NAALADL2: variants seen among roughly 807,000 people sequenced by gnomAD.
The protein encoded by NAALADL2 is inactive N-acetylated-alpha-linked acidic dipeptidase-like protein 2.
NAALADL2 carries 76 observed loss-of-function variants against 87.2 expected under a neutral mutation model. The ratio of observed to expected loss-of-function variants is 0.87; its 90% CI spans 0.72 to 1.05. The LOEUF (loss-of-function observed/expected upper bound fraction) is 1.05. NAALADL2 is among the 50% of genes least tolerant of loss of function. The probability of loss-of-function intolerance (pLI) is 0.00; values close to 1 mark genes in which losing one functional copy is unlikely to be tolerated. For missense variants in NAALADL2, 1,089 were observed against 945.8 expected, an observed-to-expected ratio of 1.15 and a Z score of -1.99; for synonymous variants, 354 against 331.0, an observed-to-expected ratio of 1.07 and a Z score of -0.75.
At chr3:175,079,477 A>G (rs1717310693) in intron 1 of NAALADL2, 1 of 152,174 alleles carries the variant, frequency 6.6e-6, no homozygotes, top group Non-Finnish European at 1.5e-5. Context: ...GCTTTCTGCA[A>G]TAAAGTTTTA....
intron 2 of NAALADL2, among the ~76,000 whole-genome samples, chr3:175,132,777 G>A (rs1728336093): frequency 6.6e-6 from 1 of 151,118 alleles, no homozygotes; most frequent in Non-Finnish European, 1.5e-5. Context: ...CGGCTCTCCT[G>A]GCGGGGGCTG....
chr3:175,132,868 G>A (rs2108651790), intron 2 of NAALADL2, among the ~76,000 whole-genome samples: 1 of 151,938 alleles, frequency 6.6e-6, no homozygotes, highest in Admixed American at 6.5e-5. Flanking sequence ...GCCAGGCGGA[G>A]GGGCTCCTCA....
At chr3:175,658,555 T>C (rs939561440) in intron 11 of NAALADL2, among the ~76,000 whole-genome samples, 1 of 152,154 alleles carries the variant, frequency 6.6e-6, no homozygotes, top group Non-Finnish European at 1.5e-5. Context: ...GGGTAGAAAT[T>C]GAATATGATA....
intron 6 of NAALADL2, among the ~76,000 whole-genome samples, chr3:175,461,041 T>A (rs1301594089): frequency 1.3e-5 from 2 of 152,144 alleles, no homozygotes; most frequent in Admixed American, 1.3e-4. Flanking sequence ...CTGGTCCATT[T>A]TGCAGAGTGC....
chr3:175,396,049 T>C (rs890983655), intron 5 of NAALADL2, among the ~76,000 whole-genome samples: 6 of 152,144 alleles, frequency 3.9e-5, no homozygotes, highest in Non-Finnish European at 7.4e-5. Flanking sequence ...CATAGATGGG[T>C]AAATTTTATT....
chr3:174,670,053 G>T (rs901177828), intron 2 of NAALADL2, among the ~76,000 whole-genome samples: 2 of 151,976 alleles, frequency 1.3e-5, no homozygotes, highest in African/African-American at 4.8e-5. Flanking sequence ...CATTGTCAGT[G>T]TAGAAATGGA....
intron 13 of NAALADL2, among the ~76,000 whole-genome samples, chr3:175,794,742 TTTATCTATTTC>T (rs1480174338): frequency 6.6e-6 from 1 of 152,196 alleles, no homozygotes; most frequent in East Asian, 1.9e-4. Context: ...AACAGACACT[TTTATCTATTTC>T]TTGGGTTATA....
At chr3:175,556,623 G>T (rs1715315401) in intron 9 of NAALADL2, among the ~76,000 whole-genome samples, 1 of 152,016 alleles carries the variant, frequency 6.6e-6, no homozygotes, top group South Asian at 2.1e-4. Context: ...TCATTTTGCT[G>T]AATGCCAAAT....
At chr3:175,535,695 C>G (rs1582295369) in intron 9 of NAALADL2, among the ~76,000 whole-genome samples, 1 of 152,086 alleles carries the variant, frequency 6.6e-6, no homozygotes, top group African/African-American at 2.4e-5. Context: ...AGGGAAATGA[C>G]ATATTTATAT....
intron 2 of NAALADL2, among the ~76,000 whole-genome samples, chr3:175,107,386 C>T (rs1395195362): frequency 6.6e-6 from 1 of 151,896 alleles, no homozygotes; most frequent in Non-Finnish European, 1.5e-5. Context: ...TGTGTTCTTC[C>T]CTGGGTCTTT....
chr3:175,627,574 C>A (rs1201300309), intron 11 of NAALADL2, among the ~76,000 whole-genome samples, 188 bp downstream of exon 11: 1 of 65,580 alleles, frequency 1.5e-5, no homozygotes, highest in African/African-American at 3.8e-5. Context: ...TCATACAGAC[C>A]CATAACTGTC....
intron 5 of NAALADL2, among the ~76,000 whole-genome samples, chr3:175,402,724 TTTAGTATC>T (rs1581742744): frequency 1.3e-5 from 2 of 152,014 alleles, no homozygotes; most frequent in African/African-American, 4.8e-5. Flanking sequence ...AGAACTGGAT[TTTAGTATC>T]TTCTGGGAAA....
chr3:174,976,848 C>T (rs1324258684), intron 1 of NAALADL2, among the ~76,000 whole-genome samples: 2 of 152,180 alleles, frequency 1.3e-5, no homozygotes, highest in African/African-American at 4.8e-5. Context: ...AGATTTTCAG[C>T]TTCTCACTTC....
intron 2 of NAALADL2, among the ~76,000 whole-genome samples, chr3:175,225,607 A>G (rs1329946713): frequency 1.3e-5 from 2 of 152,138 alleles, no homozygotes; most frequent in African/African-American, 2.4e-5. Flanking sequence ...AGTGTGATAA[A>G]GGCTAGTCAT....
chr3:175,309,114 G>A (rs2110286229), intron 4 of NAALADL2, among the ~76,000 whole-genome samples: 2 of 152,244 alleles, frequency 1.3e-5, no homozygotes, highest in East Asian at 3.9e-4. Flanking sequence ...TCTTTTTAAT[G>A]AAGAAAAATG....
chr3:174,835,002 A>G (rs530436329), intron 3 of NAALADL2, among the ~76,000 whole-genome samples: 180 of 152,022 alleles, frequency 1.2e-3, no homozygotes, highest in Non-Finnish European at 2.2e-3. Context: ...TTAAAAATTT[A>G]AAAATGCAAA....
chr3:174,852,836 C>T (rs1162288477), intron 3 of NAALADL2, among the ~76,000 whole-genome samples: 1 of 152,030 alleles, frequency 6.6e-6, no homozygotes, highest in Non-Finnish European at 1.5e-5. Context: ...ACAGCAACAG[C>T]ATGGTACTGT....
At chr3:174,514,855 A>C (rs993736368) in intron 1 of NAALADL2, among the ~76,000 whole-genome samples, 6 of 152,110 alleles carry the variant, frequency 3.9e-5, no homozygotes, top group Admixed American at 6.6e-5. Context: ...CCCAAGAATT[A>C]CTTTTATGTC....
chr3:175,381,033 A>G (rs1456535385), intron 5 of NAALADL2, among the ~76,000 whole-genome samples: 1 of 152,060 alleles, frequency 6.6e-6, no homozygotes, highest in Admixed American at 6.6e-5. Context: ...TTAACATTAC[A>G]TAAAACACTA....
Sources: allele counts gnomAD v4.1 joint callset (sites outside exome capture counted in the v4.1 genomes callset), GRCh38; gene constraint gnomAD v4.1.1; transcripts MANE v1.5; gene names NCBI Gene and HGNC (gene_info 2026-07-23, HGNC 2026-07-21).